RTN4: variants seen among roughly 807,000 people sequenced by gnomAD.
RTN4 encodes reticulon 4.
A neutral mutation model predicts 90.4 loss-of-function variants in RTN4; 32 were observed. The observed-to-expected ratio is 0.35, with a 90% CI of 0.27 to 0.48. The LOEUF is 0.48. Ranked by LOEUF, RTN4 falls within the 20% of genes least tolerant of loss-of-function variation. The pLI is 0.99. For missense variants in RTN4, 1,706 were observed against 1,430.2 expected (o/e 1.19, Z -3.11); for synonymous variants, 629 against 552.5 (o/e 1.14, Z -1.94).
At chr2:55,060,737 A>G (rs1284618935) in intron 2 of RTN4, 1 of 152,296 alleles carries the variant, frequency 6.6e-6, no homozygotes, top group Non-Finnish European at 1.5e-5. Flanking sequence ...CCTGGGTAAC[A>G]TGGCAAAATA....
At chr2:55,012,708 A>G (rs1443514181) in intron 3 of RTN4, among the ~76,000 whole-genome samples, 1 of 152,312 alleles carries the variant, frequency 6.6e-6, no homozygotes, top group East Asian at 1.9e-4. Context: ...AGAAGCAACA[A>G]GACAAGTAAG....
At chr2:55,059,646 C>T (rs958129483) in intron 2 of RTN4, among the ~76,000 whole-genome samples, 3 of 151,876 alleles carry the variant, frequency 2.0e-5, no homozygotes, top group African/African-American at 7.3e-5. Flanking sequence ...CCAGCCTGGC[C>T]AACATGGTGA....
intron 1 of RTN4, among the ~76,000 whole-genome samples, chr2:55,043,842 C>T (rs370060223): frequency 2.2e-4 from 33 of 151,564 alleles, no homozygotes; most frequent in South Asian, 1.7e-3. Flanking sequence ...GCCAAGATTG[C>T]GCCACTGCAC....
chr2:55,134,479 C>A, the RTN4 span, among the ~76,000 whole-genome samples: 1 of 152,204 alleles, frequency 6.6e-6, no homozygotes, highest in Non-Finnish European at 1.5e-5. Flanking sequence ...CACTCCATCT[C>A]TCAGAGGCTG....
intron 2 of RTN4, among the ~76,000 whole-genome samples, chr2:55,068,829 C>A (rs1351565205): frequency 6.6e-6 from 1 of 152,192 alleles, no homozygotes; most frequent in African/African-American, 2.4e-5. Flanking sequence ...AATGGGCACT[C>A]AAGGGTCAAG....
At chr2:54,998,386 C>G (rs1410042779) in intron 3 of RTN4, among the ~76,000 whole-genome samples, 3 of 152,038 alleles carry the variant, frequency 2.0e-5, no homozygotes, top group Non-Finnish European at 2.9e-5. Context: ...AGCAGAAAGC[C>G]AAAAACAACT....
chr2:55,016,685 T>A (rs975185080), intron 3 of RTN4, among the ~76,000 whole-genome samples: 4 of 152,200 alleles, frequency 2.6e-5, no homozygotes, highest in Admixed American at 2.6e-4. Flanking sequence ...TGATTATAAT[T>A]TTTTTCATCT....
At chr2:55,081,396 C>G (rs1217196409) in intron 1 of RTN4, among the ~76,000 whole-genome samples, 1 of 151,980 alleles carries the variant, frequency 6.6e-6, no homozygotes, top group Non-Finnish European at 1.5e-5. Flanking sequence ...TTTTAAGCTA[C>G]TACACACCAG....
the RTN4 span, among the ~76,000 whole-genome samples, chr2:55,137,267 A>C: frequency 1.9e-4 from 29 of 152,188 alleles, no homozygotes; most frequent in African/African-American, 6.0e-4. Context: ...AAGAGCAAAG[A>C]GGAGGGCATG....
At chr2:54,975,379 TTAG>T (rs2104604075) in intron 5 of RTN4, among the ~76,000 whole-genome samples, 1 of 152,348 alleles carries the variant, frequency 6.6e-6, no homozygotes, top group African/African-American at 2.4e-5. Flanking sequence ...TTTGACCTAC[TTAG>T]TAGGTAACAA....
chr2:55,135,341 C>T, the RTN4 span, among the ~76,000 whole-genome samples: 48 of 151,312 alleles, frequency 3.2e-4, no homozygotes, highest in Middle Eastern at 0.01. Context: ...CTGAGTAGCT[C>T]GATTACACGT....
intron 3 of RTN4, among the ~76,000 whole-genome samples, chr2:55,022,572 C>A (rs140860068): frequency 1.1e-3 from 173 of 152,214 alleles, no homozygotes; most frequent in African/African-American, 4.1e-3. Flanking sequence ...ATTTCAGAGA[C>A]CTTGGGCAAA....
Position 55,050,098 on chromosome 2 carries a change from A to C in RTN4, c.203T>G (p.Val68Gly). The C allele has an allele frequency of 3.4e-6, 5 of 1,489,982 alleles. No homozygotes were observed. Among genetic ancestry groups the C allele is most frequent in the Non-Finnish European group, 4.4e-6 (5 of 1,124,940 alleles). 92.3% of individuals were successfully genotyped at this position (1,489,982 alleles called of 1,614,324 possible). The change falls in exon 1 of 9, where the codon GTG becomes GGG. Residue 68 changes from valine to glycine, a missense_variant. Physicochemically the swap from Val to Gly is moderately radical, Grantham distance 109. Transcript: ENST00000337526. The surrounding 1 kb of genome is among the most constrained non-coding windows in gnomAD (Gnocchi z 4.6). ...KPAAGLSAAP[V>G]PTAPAAGAPL... Reference sequence around the variant, plus strand: ...CGCGCCGGCGGCAGGGGCGGTGGGCACTGGGGCCGCGGACAGCCCGGCGGC... The same window carrying C: ...CGCGCCGGCGGCAGGGGCGGTGGGCCCTGGGGCCGCGGACAGCCCGGCGGC...
chr2:54,983,458 G>T (rs1032309548), intron 4 of RTN4, among the ~76,000 whole-genome samples: 1 of 152,124 alleles, frequency 6.6e-6, no homozygotes, highest in Admixed American at 6.5e-5. Context: ...AACCAACTCA[G>T]AAGTGCTGAG....
intron 1 of RTN4, among the ~76,000 whole-genome samples, chr2:55,081,707 T>G (rs969901279): frequency 2.0e-5 from 3 of 151,806 alleles, no homozygotes; most frequent in Admixed American, 6.6e-5. Context: ...TCAAAAATTT[T>G]TTTTAATTAC....
At chr2:55,003,723 T>G (rs1171056255) in intron 3 of RTN4, among the ~76,000 whole-genome samples, 1 of 152,220 alleles carries the variant, frequency 6.6e-6, no homozygotes, top group Non-Finnish European at 1.5e-5. Flanking sequence ...CTATGATGAC[T>G]GCATCTGTAA....
At chr2:54,993,286 T>C (rs973801161) in intron 3 of RTN4, among the ~76,000 whole-genome samples, 1 of 152,164 alleles carries the variant, frequency 6.6e-6, no homozygotes, top group Admixed American at 6.5e-5. Context: ...CCCATTCTGT[T>C]TCTATTCGGT....
At chr2:55,126,141 A>T in the RTN4 span, among the ~76,000 whole-genome samples, 6 of 152,020 alleles carry the variant, frequency 3.9e-5, no homozygotes, top group African/African-American at 1.4e-4. Context: ...AGGAGGGCAG[A>T]TCACCTGAGG....
intron 1 of RTN4, among the ~76,000 whole-genome samples, chr2:55,093,987 T>A (rs1299341364): frequency 6.6e-6 from 1 of 152,180 alleles, no homozygotes; most frequent in Non-Finnish European, 1.5e-5. Flanking sequence ...TTTCTTACGA[T>A]CACTAATATC....
Sources: allele counts gnomAD v4.1 joint callset (sites outside exome capture counted in the v4.1 genomes callset), GRCh38; gene constraint gnomAD v4.1.1; non-coding constraint Gnocchi (gnomAD v3.1); transcripts MANE v1.5; gene names NCBI Gene and HGNC (gene_info 2026-07-23, HGNC 2026-07-21).